RALGPS2: variants seen among roughly 807,000 people sequenced by gnomAD.
RALGPS2 encodes the protein Ral GEF with PH domain and SH3 binding motif 2, also known as ras-specific guanine nucleotide-releasing factor RalGPS2.
RALGPS2 carries 43 observed loss-of-function variants against 86.8 expected under a neutral mutation model. The observed-to-expected ratio is 0.50, with a 90% confidence interval of 0.39 to 0.64. RALGPS2 has a LOEUF of 0.64. Ranked by LOEUF, RALGPS2 falls within the 30% of genes least tolerant of loss-of-function variation. The probability of loss-of-function intolerance (pLI) is 0.00; values close to 1 mark genes in which losing one functional copy is unlikely to be tolerated. For missense variants in RALGPS2, 536 were observed against 694.6 expected, an observed-to-expected ratio of 0.77 and a Z score of 2.57; for synonymous variants, 243 against 231.3, an observed-to-expected ratio of 1.05 and a Z score of -0.46.
intron 8 of RALGPS2, among the ~76,000 whole-genome samples, chr1:178,855,866 A>G (rs1257298285): frequency 6.6e-6 from 1 of 151,024 alleles, no homozygotes; most frequent in Non-Finnish European, 1.5e-5. Context: ...AAGGCTTTTT[A>G]TCTGCCTATT....
At chr1:178,858,225 A>G (rs1444284441) in intron 8 of RALGPS2, among the ~76,000 whole-genome samples, 1 of 152,134 alleles carries the variant, frequency 6.6e-6, no homozygotes, top group Non-Finnish European at 1.5e-5. Flanking sequence ...AGTCCAGTGT[A>G]TATTGTTGAT....
intron 8 of RALGPS2, among the ~76,000 whole-genome samples, chr1:178,859,401 CTT>C (rs543947031): frequency 0.051 from 6,299 of 122,318 alleles, 174 homozygotes; most frequent in African/African-American, 0.18. Context: ...CCAAGTTTAA[CTT>C]TTTTTTTTTT....
At chr1:178,892,152 A>T (rs1247527534) in intron 14 of RALGPS2, 78 bp from the exon 15 acceptor site, 2 of 1,232,806 alleles carry the variant, frequency 1.6e-6, no homozygotes, top group Non-Finnish European at 1.2e-6. Flanking sequence ...AGAAACTATT[A>T]TACTGTTCTA....
At chr1:178,813,089 C>T (rs1655063997) in intron 6 of RALGPS2, among the ~76,000 whole-genome samples, 1 of 151,892 alleles carries the variant, frequency 6.6e-6, no homozygotes, top group South Asian at 2.1e-4. Context: ...CATGCCACCA[C>T]ACCCGGCTAA....
intron 8 of RALGPS2, among the ~76,000 whole-genome samples, chr1:178,858,724 C>T (rs1047831961): frequency 6.6e-6 from 1 of 151,970 alleles, no homozygotes; most frequent in Non-Finnish European, 1.5e-5. Flanking sequence ...ACATTATTTC[C>T]CAAGGTGTAT....
chr1:178,729,025 G>A (rs989779849), intron 1 of RALGPS2, among the ~76,000 whole-genome samples: 1 of 152,150 alleles, frequency 6.6e-6, no homozygotes, highest in South Asian at 2.1e-4. Context: ...AAGCTTGGCC[G>A]TTTATTTCAT....
chr1:178,754,880 A>G lies in RALGPS2; in HGVS notation c.-83-21802A>G, dbSNP rs112447576. ...AGTGGTGCAATCTCAGTTCACTGCA[A>G]CTTCTGCCTCCCATATTCAAGTGAT... On this transcript the variant is annotated intron_variant, in intron 1 of 19. Coordinates refer to ENST00000367635, the MANE Select transcript of RALGPS2 (RefSeq NM_152663.5). 5.0e-3 allele frequency among the ~76,000 whole-genome samples: 756 copies of G among 152,346 alleles called. 7 individuals are homozygous for G. The highest frequency in any genetic ancestry group is 0.016 in the African/African-American group (685 of 41,574).
chr1:178,754,143 G>C (rs1250574101), intron 1 of RALGPS2, among the ~76,000 whole-genome samples: 5 of 151,974 alleles, frequency 3.3e-5, no homozygotes, highest in African/African-American at 1.2e-4. Context: ...AGGTTTTTAA[G>C]TTGAGGAGCT....
At chr1:178,818,501 C>A (rs911239967) in intron 6 of RALGPS2, among the ~76,000 whole-genome samples, 1 of 152,212 alleles carries the variant, frequency 6.6e-6, no homozygotes, top group East Asian at 1.9e-4. Flanking sequence ...TTGTATGGTA[C>A]AGGCCCCTTG....
intron 1 of RALGPS2, among the ~76,000 whole-genome samples, chr1:178,730,623 G>C (rs1287734044): frequency 6.8e-6 from 1 of 147,972 alleles, no homozygotes; most frequent in East Asian, 2.0e-4. Flanking sequence ...GCTCAAATCT[G>C]CACTTTTGCC....
chr1:178,772,698 T>G (rs1340902823), intron 1 of RALGPS2, among the ~76,000 whole-genome samples: 1 of 152,238 alleles, frequency 6.6e-6, no homozygotes, highest in Non-Finnish European at 1.5e-5. Flanking sequence ...TTTCATAGTT[T>G]AGTTCAAATG....
Position 178,821,627 on chromosome 1 carries a change from A to C in RALGPS2, c.403A>C (p.Asn135His), listed in dbSNP as rs1488700503. 6.2e-7 allele frequency: 1 copy of C among 1,612,922 alleles called. No individual in the cohort carries two copies. The highest frequency in any genetic ancestry group is 8.5e-7 in the Non-Finnish European group (1 of 1,179,624). The change falls in exon 7 of 20, where the codon AAT (asparagine) becomes CAT (histidine). Residue 135 changes from asparagine (N) to histidine (H), a missense_variant. Asn to His is a moderately conservative substitution (Grantham distance 68). Around this residue, in one of 3 missense-constraint regions of RALGPS2, gnomAD observed 184 missense variants for 296.7 expected, o/e 0.62. Transcript: ENST00000367635. ...IKTAKKLYEL[N>H]NLHALMAVVS... ...AAATCTTCAGAAACTGTATGAGCTG[A>C]ATAACCTTCATGCACTTATGGCAGT...
chr1:178,861,495 T>C (rs1234230517), intron 8 of RALGPS2, among the ~76,000 whole-genome samples: 1 of 151,920 alleles, frequency 6.6e-6, no homozygotes, highest in Non-Finnish European at 1.5e-5. Context: ...AAACATAGAA[T>C]TGGTATGTTT....
chr1:178,733,525 A>C (rs145449418), intron 1 of RALGPS2, among the ~76,000 whole-genome samples: 1 of 152,388 alleles, frequency 6.6e-6, no homozygotes, highest in African/African-American at 2.4e-5. Flanking sequence ...GCCACTGCAT[A>C]CCCACCAGAA....
chr1:178,852,748 T>G (rs1558150033), intron 8 of RALGPS2: 11 of 1,613,956 alleles, frequency 6.8e-6, no homozygotes, highest in Non-Finnish European at 9.3e-6. Context: ...CATCATAGAA[T>G]CCCCTGCATT....
At chr1:178,853,486 A>G in intron 8 of RALGPS2, 1 of 959,020 alleles carries the variant, frequency 1.0e-6, no homozygotes, top group Non-Finnish European at 1.5e-6. Context: ...AAACATATGG[A>G]TAGTTATTTT....
At chr1:178,747,243 A>C in intron 1 of RALGPS2, 3 of 1,486,184 alleles carry the variant, frequency 2.0e-6, no homozygotes, top group Non-Finnish European at 2.8e-6. Context: ...AAGGAGCCAG[A>C]TTCTCTCACT....
At chr1:178,898,153 C>T (rs998689323) in intron 17 of RALGPS2, among the ~76,000 whole-genome samples, 4 of 152,044 alleles carry the variant, frequency 2.6e-5, no homozygotes, top group Non-Finnish European at 5.9e-5. Flanking sequence ...ACAGTTACTG[C>T]AATCACTTTC....
chr1:178,873,042 TA>T (rs1484183343), intron 8 of RALGPS2, among the ~76,000 whole-genome samples: 2 of 151,918 alleles, frequency 1.3e-5, no homozygotes, highest in African/African-American at 4.8e-5. Flanking sequence ...GGTGGGGGCT[TA>T]GGGGGAAGAT....
Sources: allele counts gnomAD v4.1 joint callset (sites outside exome capture counted in the v4.1 genomes callset), GRCh38; gene constraint gnomAD v4.1.1; regional missense constraint gnomAD v4.1.1; transcripts MANE v1.5; gene names NCBI Gene and HGNC (gene_info 2026-07-23, HGNC 2026-07-21).